KCNN1: variants seen among roughly 807,000 people sequenced by gnomAD.
The protein encoded by KCNN1 is potassium calcium-activated channel subfamily N member 1.
Under a neutral mutation model 44.7 loss-of-function variants are expected in KCNN1, and 20 were observed. The ratio of observed to expected loss-of-function variants is 0.45; its 90% confidence interval spans 0.32 to 0.65. The LOEUF is 0.65. Ranked by LOEUF, KCNN1 falls within the 30% of genes least tolerant of loss-of-function variation. The pLI is 0.05. For synonymous variants in KCNN1, 324 were observed against 341.7 expected (o/e 0.95, Z 0.57); for missense variants, 632 against 785.3 (o/e 0.80, Z 2.33).
intron 3 of KCNN1, among the ~76,000 whole-genome samples, chr19:17,978,839 G>A (rs1351478927): frequency 6.6e-6 from 1 of 151,074 alleles, no homozygotes; most frequent in African/African-American, 2.4e-5. Context: ...AGGATCACTC[G>A]AGCACAGGAG....
intron 3 of KCNN1, among the ~76,000 whole-genome samples, 171 bp from the exon 4 acceptor site, chr19:17,981,538 G>C (rs1236932554): frequency 7.0e-6 from 1 of 142,074 alleles, no homozygotes; most frequent in Non-Finnish European, 1.5e-5. Context: ...GGCGATAAGA[G>C]CAAAACTCCA....
At position 17,998,432 on chromosome 19, in the gene KCNN1, A is replaced by T. The variant is rs1349461414; in HGVS notation, c.*26A>T. 1.4e-6 allele frequency: 2 copies of T among 1,459,416 alleles called. No individual in the cohort carries two copies. The highest frequency in any genetic ancestry group is 1.4e-5 in the South Asian group (1 of 70,148). 90.4% of individuals were successfully genotyped at this position (1,459,416 alleles called of 1,614,324 possible). ...CGGCCCTGCCCGCCACCAGACCCCTAAATCTTGGCCATCGTGTGGCCGCCA... is the reference window on the plus strand; with the variant it reads ...CGGCCCTGCCCGCCACCAGACCCCTTAATCTTGGCCATCGTGTGGCCGCCA... On this transcript the variant is annotated 3_prime_UTR_variant, in exon 10 of 10. Transcript: ENST00000684775. This position sits in a 1 kb window ranked among gnomAD's most constrained non-coding sequence, Gnocchi z 5.4.
intron 5 of KCNN1, among the ~76,000 whole-genome samples, chr19:17,987,851 A>C (rs1398877996): frequency 5.3e-5 from 8 of 150,616 alleles, no homozygotes; most frequent in Non-Finnish European, 1.0e-4. Context: ...AAAAAAAAAA[A>C]AAAAAACAGG....
intron 1 of KCNN1, 116 bp from the exon 2 acceptor site, chr19:17,973,692 T>C (rs2032100946): frequency 1.6e-6 from 2 of 1,242,290 alleles, no homozygotes; most frequent in African/African-American, 3.2e-5. Context: ...AACCCACGTG[T>C]CAGCACTCTG....
intron 2 of KCNN1, among the ~76,000 whole-genome samples, chr19:17,956,095 G>A (rs1015040761): frequency 2.0e-5 from 3 of 152,036 alleles, no homozygotes; most frequent in Non-Finnish European, 2.9e-5. Context: ...GCGTCACCAC[G>A]CACAGCTAAT....
chr19:17,988,543 C>T lies in KCNN1; in HGVS notation c.1170+18C>T. The T allele has an allele frequency of 6.3e-7, 1 of 1,580,108 alleles. No homozygotes were observed. The highest frequency in any genetic ancestry group is 8.7e-7 in the Non-Finnish European group (1 of 1,151,258). ...CCAAGCGGGTGAGGACCGCGGTTCC[C>T]ATGGAGGCCGCCTCCTGGCCTTGTC... On this transcript the variant is annotated intron_variant, in intron 6 of 9. Coordinates refer to ENST00000684775, the MANE Select transcript of KCNN1 (RefSeq NM_001386974.1).
At chr19:17,990,260 A>T (rs920393797) in intron 7 of KCNN1, among the ~76,000 whole-genome samples, 2 of 143,890 alleles carry the variant, frequency 1.4e-5, no homozygotes, top group Non-Finnish European at 3.0e-5. Context: ...GGAGGCAGGA[A>T]GATCGCTTGA....
At chr19:17,962,858 C>A (rs1376872397), upstream of KCNN1, among the ~76,000 whole-genome samples, 1 of 151,924 alleles carries the variant, frequency 6.6e-6, no homozygotes, top group Non-Finnish European at 1.5e-5. Context: ...AGCGCCACCA[C>A]GCCTGGCTAA....
At chr19:17,956,496 A>G (rs2031546412) in intron 2 of KCNN1, among the ~76,000 whole-genome samples, 1 of 151,916 alleles carries the variant, frequency 6.6e-6, no homozygotes, top group Admixed American at 6.6e-5. Context: ...TGATCCCAGA[A>G]CTTTGGGAGG....
intron 4 of KCNN1, among the ~76,000 whole-genome samples, chr19:17,984,077 C>T (rs2032514328): frequency 6.6e-6 from 1 of 151,628 alleles, no homozygotes; most frequent in South Asian, 2.1e-4. Flanking sequence ...GCAGGAGAAT[C>T]GCTTGAACCC....
chr19:17,979,025 C>T (rs2032303639), intron 3 of KCNN1, among the ~76,000 whole-genome samples: 1 of 150,896 alleles, frequency 6.6e-6, no homozygotes, highest in South Asian at 2.1e-4. Flanking sequence ...GGCGCCACTG[C>T]ACACCAGCCT....
intron 1 of KCNN1, among the ~76,000 whole-genome samples, chr19:17,970,476 C>A (rs896153555): frequency 6.6e-6 from 1 of 151,708 alleles, no homozygotes; most frequent in South Asian, 2.1e-4. Context: ...CACTACCACG[C>A]CCGGCTAATT....
Position 17,973,236 on chromosome 19 carries a change from G to A in KCNN1, c.-81-572G>A, listed in dbSNP as rs140378141. On this transcript the variant is annotated intron_variant, in intron 1 of 9. Coordinates refer to ENST00000684775, the MANE Select transcript of KCNN1 (RefSeq NM_001386974.1). ...CTCCAGTCTCAGCCTCTGAGTAGCT[G>A]TGATTACAAGTGTGCACCACTGGGC... 1.1e-3 allele frequency among the ~76,000 whole-genome samples: 173 copies of A among 152,250 alleles called. 1 individual carries two copies. The highest frequency in any genetic ancestry group is 3.9e-3 in the African/African-American group (163 of 41,554).
chr19:17,959,460 G>T (rs2031628335), intron 2 of KCNN1, among the ~76,000 whole-genome samples: 1 of 152,032 alleles, frequency 6.6e-6, no homozygotes, highest in Non-Finnish European at 1.5e-5. Flanking sequence ...GTTTCACCAT[G>T]TTGGCCAGGC....
chr19:17,986,362 CAAAAA>C (rs34295668), intron 5 of KCNN1, among the ~76,000 whole-genome samples: 43 of 140,428 alleles, frequency 3.1e-4, no homozygotes, highest in African/African-American at 1.1e-3. Flanking sequence ...AACTAAGTCT[CAAAAA>C]AAAAAAAAAG....
In KCNN1 at chr19:17,998,160, C is replaced by G; in HGVS notation, c.1386C>G (p.Thr462=). ...CTCTCTGTCTCCCGCAGACCCAGACCGTCATGTACGACCTTGTATCGGAGC... is the reference window on the plus strand; with the variant it reads ...CTCTCTGTCTCCCGCAGACCCAGACGGTCATGTACGACCTTGTATCGGAGC... ...NTLTDLAKTQ[T]VMYDLVSELH... is the part of the protein sequence containing the mutation. The change falls in exon 10 of 10, where the codon ACC becomes ACG. Residue 462 remains threonine, a synonymous_variant. Transcript: ENST00000684775. This position sits in a 1 kb window ranked among gnomAD's most constrained non-coding sequence, Gnocchi z 5.4. 3 of 1,592,434 alleles carry G rather than the reference C, an allele frequency of 1.9e-6. No homozygotes were observed. Among genetic ancestry groups the G allele is most frequent in the Non-Finnish European group, 2.6e-6 (3 of 1,169,512 alleles).
intron 6 of KCNN1, among the ~76,000 whole-genome samples, chr19:17,988,825 C>T (rs771530786): frequency 6.6e-6 from 1 of 151,770 alleles, no homozygotes; most frequent in East Asian, 1.9e-4. Flanking sequence ...GCAGGAGAAT[C>T]GCTTGAGCCT....
intron 1 of KCNN1, chr19:17,954,449 T>A (rs2031492406): frequency 6.6e-6 from 1 of 152,036 alleles, no homozygotes; most frequent in Non-Finnish European, 1.5e-5. Context: ...AGAGCAAGAC[T>A]CTGTCTCAAA....
Position 17,961,253 on chromosome 19 carries a change from C to T in KCNN1, c.-82+6572C>T, listed in dbSNP as rs551674141. ...CAGAGCCAGAACTAACCCACTATGA[C>T]CCCCTCTTCATTTAACTACATCTGC... On this transcript the variant is annotated intron_variant, in intron 2 of 10. Transcript: ENST00000222249. Among the ~76,000 whole-genome samples, 10 of 150,676 alleles carry T rather than the reference C, an allele frequency of 6.6e-5. No homozygotes were observed. In the South Asian group the frequency reaches 1.9e-3, roughly 29 times the overall value.
Sources: gnomAD v4.1 joint callset for allele counts (sites outside exome capture counted in the v4.1 genomes callset) on GRCh38, gnomAD v4.1.1 for gene constraint, Gnocchi (gnomAD v3.1) non-coding constraint, MANE v1.5 for transcripts, NCBI Gene and HGNC (gene_info 2026-07-23, HGNC 2026-07-21) for gene names.